NFIX: variants seen among roughly 807,000 people sequenced by gnomAD.
The protein encoded by NFIX is nuclear factor 1 X-type.
Under a neutral mutation model 53.3 loss-of-function variants are expected in NFIX, and 2 were observed. The ratio of observed to expected loss-of-function variants is 0.04; its 90% CI spans 0.02 to 0.12. The LOEUF (loss-of-function observed/expected upper bound fraction) is 0.12, where lower values mean the gene tolerates loss of function less well. NFIX is among the 10% of genes least tolerant of loss of function. The pLI, the probability that NFIX is intolerant of heterozygous loss-of-function variation, is 1.00. For synonymous variants in NFIX, 244 were observed against 289.0 expected (o/e 0.84, Z 1.58); for missense variants, 310 against 674.5 (o/e 0.46, Z 5.99).
chr19:13,019,307 A>C (rs2012833871), intron 1 of NFIX, among the ~76,000 whole-genome samples: 1 of 152,194 alleles, frequency 6.6e-6, no homozygotes. Context: ...GGTGCTGTAC[A>C]TATTTTCCTA....
chr19:13,095,724 G>A lies in NFIX; in HGVS notation c.*1075G>A, dbSNP rs934664502. On this transcript the variant is annotated 3_prime_UTR_variant, in exon 11 of 11. Coordinates refer to ENST00000592199, the MANE Select transcript of NFIX (RefSeq NM_001365902.3). ...GCTGCCGCGCTAAGCCACCACCTGCGCTTAGGTAGGCGTCCTGCTCGCCGA... is the reference window on the plus strand; with the variant it reads ...GCTGCCGCGCTAAGCCACCACCTGCACTTAGGTAGGCGTCCTGCTCGCCGA... 3 of 152,360 alleles carry A rather than the reference G, an allele frequency of 2.0e-5. No individual in the cohort carries two copies. Among genetic ancestry groups the A allele is most frequent in the African/African-American group, 2.4e-5 (1 of 41,452 alleles). The allele number at this position is 152,360 out of a possible 1,614,324, so 9.4% of individuals were successfully genotyped here. A position where few individuals can be genotyped will look rare whatever the true frequency, so the allele number is the denominator to read the frequency against.
rs1315299242 is a variant in NFIX at position 12,998,203 on chromosome 19, T to C, written c.27+2339T>C. On this transcript the variant is annotated intron_variant, in intron 1 of 10. Transcript: ENST00000592199. This position sits in a 1 kb window ranked among gnomAD's most constrained non-coding sequence, Gnocchi z 4.4. ...CATCTCTCTTTCTCCATCTCTGTCC[T>C]TTTGTATGTCTCTGACTGTCTCTGT... Among the ~76,000 whole-genome samples the C allele has an allele frequency of 1.3e-5, 2 of 152,136 alleles. No homozygotes were observed. Among genetic ancestry groups the C allele is most frequent in the Non-Finnish European group, 2.9e-5 (2 of 68,014 alleles).
rs1430916800 is a variant in NFIX at position 13,013,279 on chromosome 19, T to C, written c.28-11742T>C. 6.6e-6 allele frequency among the ~76,000 whole-genome samples: 1 copy of C among 152,070 alleles called. No individual in the cohort carries two copies. The highest frequency in any genetic ancestry group is 1.5e-5 in the Non-Finnish European group (1 of 67,992). On this transcript the variant is annotated intron_variant, in intron 1 of 10. Coordinates refer to ENST00000592199, the MANE Select transcript of NFIX (RefSeq NM_001365902.3). The surrounding 1 kb of genome is among the most constrained non-coding windows in gnomAD (Gnocchi z 5.9). The stretch of plus-strand genomic sequence containing the variant: ...GCCCAGCGGACCCGACTTAACCTGT[T>C]GGTGGAGGAGGAAGCTGGCGTCGGG...
intron 2 of NFIX, among the ~76,000 whole-genome samples, chr19:13,026,724 T>TTCTCTC (rs34744744): frequency 0.017 from 2,440 of 145,882 alleles, 56 homozygotes; most frequent in African/African-American, 0.051. Context: ...TACCAAACCT[T>TTCTCTC]TCTCTCTCTC....
intron 1 of NFIX, among the ~76,000 whole-genome samples, chr19:13,016,947 CT>C (rs962377209): frequency 2.3e-4 from 34 of 149,810 alleles, no homozygotes; most frequent in African/African-American, 4.2e-4. Context: ...CAAAAAGCCT[CT>C]TTTTTTTTTC....
chr19:13,025,386 G>C lies in NFIX; in HGVS notation c.393G>C (p.Leu131=), dbSNP rs200313486. 13 of 1,614,056 alleles carry C rather than the reference G, an allele frequency of 8.1e-6. No individual in the cohort carries two copies. The East Asian group carries it at 2.9e-4, about 36-fold the overall frequency. The change falls in exon 2 of 11, where the codon CTG becomes CTC. Residue 131 remains leucine, a synonymous_variant. Transcript: ENST00000592199. The surrounding 1 kb of genome is among the most constrained non-coding windows in gnomAD (Gnocchi z 7.5). The part of the protein sequence containing the change: ...RQADKVWRLD[L]VMVILFKGIP... ...CTGACAAGGTGTGGCGGCTGGACCT[G>C]GTCATGGTGATTTTGTTTAAGGGGA...
rs1482006336 is a variant in NFIX at position 13,025,089 on chromosome 19, C to T, written c.96C>T (p.Asn32=). The T allele has an allele frequency of 6.2e-7, 1 of 1,614,214 alleles. No individual in the cohort carries two copies. The highest frequency in any genetic ancestry group is 1.1e-5 in the South Asian group (1 of 91,078). The part of the protein sequence containing the change: ...HVRAFSYTWF[N]LQARKRKYFK... ...GCGCTTTCTCCTACACCTGGTTCAA[C>T]CTGCAGGCGCGGAAGCGCAAGTACT... The change falls in exon 2 of 11, where the codon AAC becomes AAT. Residue 32 remains asparagine, a synonymous_variant. Transcript: ENST00000592199. The surrounding 1 kb of genome is among the most constrained non-coding windows in gnomAD (Gnocchi z 7.5).
At chr19:13,030,121 G>A (rs898193403) in intron 2 of NFIX, among the ~76,000 whole-genome samples, 3 of 152,192 alleles carry the variant, frequency 2.0e-5, no homozygotes, top group Admixed American at 6.5e-5. Flanking sequence ...ACTGGTCTGC[G>A]TCTTTGAGGC....
At chr19:13,076,920 C>T (rs2017136835) in intron 6 of NFIX, among the ~76,000 whole-genome samples, 1 of 152,154 alleles carries the variant, frequency 6.6e-6, no homozygotes, top group South Asian at 2.1e-4. Context: ...CAGAGGCTGG[C>T]CTCTGTGAGA....
At chr19:13,055,563 G>A (rs1398838339) in intron 2 of NFIX, among the ~76,000 whole-genome samples, 8 of 152,162 alleles carry the variant, frequency 5.3e-5, no homozygotes, top group Non-Finnish European at 1.2e-4. Context: ...CGCCCCTCAC[G>A]GGGCCTCGGC....
intron 8 of NFIX, among the ~76,000 whole-genome samples, chr19:13,085,200 C>A (rs1226698294): frequency 6.6e-6 from 1 of 152,172 alleles, no homozygotes; most frequent in Non-Finnish European, 1.5e-5. Context: ...AACTGTACCC[C>A]AGTCAGAGCT....
chr19:13,043,037 C>T lies in NFIX; in HGVS notation c.559+17485C>T, dbSNP rs150923854. Among the ~76,000 whole-genome samples the T allele has an allele frequency of 6.6e-6, 1 of 152,310 alleles. No homozygotes were observed. Among genetic ancestry groups the T allele is most frequent in the Admixed American group, 6.5e-5 (1 of 15,298 alleles). ...TTGCCATCATTGTACATATCGTGTACATTGCACATACATGTCATGTCAGGA... is the reference window on the plus strand; with the variant it reads ...TTGCCATCATTGTACATATCGTGTATATTGCACATACATGTCATGTCAGGA... On this transcript the variant is annotated intron_variant, in intron 2 of 10. Transcript: ENST00000592199. The surrounding 1 kb of genome is among the most constrained non-coding windows in gnomAD (Gnocchi z 4.0).
rs889169899 is a variant in NFIX at position 13,043,453 on chromosome 19, C to T, written c.559+17901C>T. Among the ~76,000 whole-genome samples, 3 of 152,204 alleles carry T rather than the reference C, an allele frequency of 2.0e-5. No individual in the cohort carries two copies. The highest frequency in any genetic ancestry group is 4.8e-5 in the African/African-American group (2 of 41,454). On this transcript the variant is annotated intron_variant, in intron 2 of 10. Transcript: ENST00000592199. The surrounding 1 kb of genome is among the most constrained non-coding windows in gnomAD (Gnocchi z 4.0). ...CAGGTCCACTTCTGAGGTGCAAGCC[C>T]ATGCTGGCCGCCAGCACGTGCCAGA...
chr19:13,069,767 G>C (rs1194788944), intron 2 of NFIX: 1 of 152,366 alleles, frequency 6.6e-6, no homozygotes, highest in South Asian at 2.1e-4. Flanking sequence ...CCTGCGAACA[G>C]GAGATAAAGA....
At chr19:13,038,588 A>T (rs2014374841) in intron 2 of NFIX, among the ~76,000 whole-genome samples, 1 of 152,230 alleles carries the variant, frequency 6.6e-6, no homozygotes, top group Non-Finnish European at 1.5e-5. Flanking sequence ...TCATTTATAG[A>T]AGTTTCCGTT....
At chr19:13,063,424 C>T (rs1194452206) in intron 2 of NFIX, among the ~76,000 whole-genome samples, 1 of 152,126 alleles carries the variant, frequency 6.6e-6, no homozygotes, top group Non-Finnish European at 1.5e-5. Context: ...GCATGCAGCC[C>T]AGCAGTTGTG....
chr19:13,024,733 G>GGAGA, intron 1 of NFIX: 2 of 1,529,562 alleles, frequency 1.3e-6, no homozygotes, highest in Non-Finnish European at 1.8e-6. Flanking sequence ...AGTGAGTGAG[G>GGAGA]GAGAGAGAGA....
chr19:13,096,144 C>T lies in NFIX; in HGVS notation c.*1495C>T, dbSNP rs2018437962. The T allele has an allele frequency of 6.5e-6, 1 of 152,802 alleles. No homozygotes were observed. Among genetic ancestry groups the T allele is most frequent in the African/African-American group, 2.4e-5 (1 of 41,444 alleles). 9.5% of individuals were successfully genotyped at this position (152,802 alleles called of 1,614,324 possible). A position where few individuals can be genotyped will look rare whatever the true frequency, so the allele number is the denominator to read the frequency against. ...GACTTGGCCCCTCTGGCTTGTCTTT[C>T]TGTGCCTTACTCCTCCTCCTGCGTC... On this transcript the variant is annotated 3_prime_UTR_variant, in exon 11 of 11. Transcript: ENST00000592199.
chr19:12,998,093 GTC>G lies in NFIX; in HGVS notation c.27+2233_27+2234del, dbSNP rs2011533542. ...TCTGCTTCCATGGTTTGCCCCGCTG[GTC>G]TCTGTTTTTATGACAACCTCTTTCC... On this transcript the variant is annotated intron_variant, in intron 1 of 10. Transcript: ENST00000592199. This position sits in a 1 kb window ranked among gnomAD's most constrained non-coding sequence, Gnocchi z 4.4. 6.6e-6 allele frequency among the ~76,000 whole-genome samples: 1 copy of G among 152,106 alleles called. No homozygotes were observed. Among genetic ancestry groups the G allele is most frequent in the African/African-American group, 2.4e-5 (1 of 41,414 alleles).
Sources: gnomAD v4.1 joint callset for allele counts (sites outside exome capture counted in the v4.1 genomes callset) on GRCh38, gnomAD v4.1.1 for gene constraint, Gnocchi (gnomAD v3.1) non-coding constraint, MANE v1.5 for transcripts, NCBI Gene and HGNC (gene_info 2026-07-23, HGNC 2026-07-21) for gene names.